Variants in PARL observed in about 807,000 individuals in gnomAD.
PARL encodes the protein presenilin-associated rhomboid-like protein, mitochondrial.
A neutral mutation model predicts 51.6 loss-of-function variants in PARL; 44 were observed. The ratio of observed to expected loss-of-function variants is 0.85; its 90% CI spans 0.67 to 1.10. The LOEUF is 1.10. Among genes scored for constraint, PARL ranks in the 50% least tolerant of loss-of-function variants. PARL has a pLI of 0.00. For synonymous variants in PARL, 172 were observed against 164.0 expected, an observed-to-expected ratio of 1.05 and a Z score of -0.37; for missense variants, 441 against 469.5, an observed-to-expected ratio of 0.94 and a Z score of 0.56.
chr3:183,841,968 G>C (rs181424872), intron 6 of PARL, among the ~76,000 whole-genome samples: 123 of 152,264 alleles, frequency 8.1e-4, no homozygotes, highest in African/African-American at 2.7e-3. Flanking sequence ...CTATAAAATG[G>C]AGGGCCTAAA....
At chr3:183,836,209 C>T (rs1728557518) in intron 7 of PARL, among the ~76,000 whole-genome samples, 1 of 79,590 alleles carries the variant, frequency 1.3e-5, no homozygotes, top group East Asian at 4.1e-4. Flanking sequence ...AAGAACGAAA[C>T]TCCATCTCAA....
At chr3:183,882,416 TAGAGAGAGAGAGAG>T (rs146955187) in intron 1 of PARL, among the ~76,000 whole-genome samples, 1 of 104,396 alleles carries the variant, frequency 9.6e-6, no homozygotes, top group African/African-American at 3.4e-5. Flanking sequence ...CACATATATA[TAGAGAGAGAGAGAG>T]AGAGAAAGAG....
intron 1 of PARL, among the ~76,000 whole-genome samples, chr3:183,874,705 A>G (rs1337005078): frequency 6.6e-6 from 1 of 152,166 alleles, no homozygotes; most frequent in East Asian, 1.9e-4. Flanking sequence ...AAGCTTAGTG[A>G]AGAAGGCATG....
At chr3:183,829,846 C>A (rs776671591) in intron 9 of PARL, 137 bp from the exon 10 acceptor site, 24 of 761,452 alleles carry the variant, frequency 3.2e-5, no homozygotes. Flanking sequence ...TGACTCACAT[C>A]GAGAAATGGT....
At chr3:183,834,415 A>G (rs1291081121) in intron 7 of PARL, among the ~76,000 whole-genome samples, 5 of 152,202 alleles carry the variant, frequency 3.3e-5, no homozygotes, top group African/African-American at 1.2e-4. Flanking sequence ...CCCTGTCTCA[A>G]AAATAATAAA....
At chr3:183,829,779 G>T in intron 9 of PARL, 70 bp from the exon 10 acceptor site, 1 of 1,236,306 alleles carries the variant, frequency 8.1e-7, no homozygotes, top group South Asian at 1.2e-5. Context: ...CATGGTGACA[G>T]ATCCCAAGTT....
rs541052527 is a variant in PARL at position 183,840,069 on chromosome 3, T to C, written c.828+501A>G. 3.3e-5 allele frequency among the ~76,000 whole-genome samples: 5 copies of C among 152,320 alleles called. No individual in the cohort carries two copies. The East Asian group carries it at 5.8e-4, about 18-fold the overall frequency. On this transcript the variant is annotated intron_variant, in intron 7 of 9. Coordinates refer to ENST00000317096, the MANE Select transcript of PARL (RefSeq NM_018622.7). ...TTAAGCATCCAGAATATAAGAGCTC[T>C]GAGGGCAGGAGCCTTTTTTGTTGTT...
At chr3:183,862,506 GA>G (rs1731955254) in intron 4 of PARL, 2 of 475,126 alleles carry the variant, frequency 4.2e-6, no homozygotes, top group East Asian at 6.7e-5. Flanking sequence ...CCACAAGCTG[GA>G]ATTCTACAAC....
chr3:183,867,424 G>A (rs1157586913), intron 2 of PARL, among the ~76,000 whole-genome samples: 1 of 152,040 alleles, frequency 6.6e-6, no homozygotes, highest in Non-Finnish European at 1.5e-5. Flanking sequence ...CTCTAGGCCG[G>A]GCGCAGTGGC....
At chr3:183,869,062 C>G (rs1288737272) in intron 1 of PARL, among the ~76,000 whole-genome samples, 2 of 152,166 alleles carry the variant, frequency 1.3e-5, no homozygotes, top group African/African-American at 4.8e-5. Flanking sequence ...TCTTTAACTC[C>G]CGGTATCTTC....
At chr3:183,829,731 C>T in intron 9 of PARL, 22 bp from the exon 10 acceptor site, 2 of 1,588,542 alleles carry the variant, frequency 1.3e-6, no homozygotes, top group Non-Finnish European at 1.7e-6. Flanking sequence ...CAAACCAGGT[C>T]CGACATTCAA....
chr3:183,863,987 C>A (rs542445018), intron 3 of PARL, among the ~76,000 whole-genome samples: 1 of 152,268 alleles, frequency 6.6e-6, no homozygotes, highest in East Asian at 1.9e-4. Flanking sequence ...CATTTGGGTA[C>A]ATTTGGATAT....
At chr3:183,833,320 A>G (rs1180883409) in intron 9 of PARL, among the ~76,000 whole-genome samples, 172 bp downstream of exon 9, 1 of 152,060 alleles carries the variant, frequency 6.6e-6, no homozygotes, top group Non-Finnish European at 1.5e-5. Context: ...TGCTGGGTAA[A>G]CCCAAAGCAA....
At chr3:183,865,713 CA>C (rs773559117) in intron 3 of PARL, among the ~76,000 whole-genome samples, 1 of 152,032 alleles carries the variant, frequency 6.6e-6, no homozygotes, top group Non-Finnish European at 1.5e-5. Context: ...TCCCTGGTAC[CA>C]AAAAGGTTGG....
rs1208781642 is a variant in PARL, at chr3:183,829,561, C to T, written c.*37G>A. The stretch of plus-strand genomic sequence containing the variant: ...GATGTCTCCTGGGGCTCTCAGGCGG[C>T]AAGGACCAGATGCACCACTACTGTC... On this transcript the variant is annotated 3_prime_UTR_variant, in exon 10 of 10. Coordinates refer to ENST00000317096, the MANE Select transcript of PARL (RefSeq NM_018622.7). The T allele has an allele frequency of 1.2e-6, 2 of 1,614,194 alleles. No individual in the cohort carries two copies. Among genetic ancestry groups the T allele is most frequent in the East Asian group, 2.2e-5 (1 of 44,884 alleles).
chr3:183,834,367 T>C (rs1441925149), intron 7 of PARL, among the ~76,000 whole-genome samples: 3 of 152,156 alleles, frequency 2.0e-5, no homozygotes, highest in East Asian at 1.9e-4. Context: ...TGAGCTATGA[T>C]TGCACCACTG....
intron 4 of PARL, chr3:183,862,506 G>C (rs1165821674): frequency 2.1e-6 from 1 of 475,006 alleles, no homozygotes; most frequent in Non-Finnish European, 3.8e-6. Flanking sequence ...CCACAAGCTG[G>C]AATTCTACAA....
At chr3:183,836,491 C>T (rs1210234663) in intron 7 of PARL, among the ~76,000 whole-genome samples, 1 of 152,064 alleles carries the variant, frequency 6.6e-6, no homozygotes, top group Non-Finnish European at 1.5e-5. Context: ...TTTGGGCTTA[C>T]TCCCATGCAG....
chr3:183,841,530 C>G (rs1452714222), intron 6 of PARL, among the ~76,000 whole-genome samples: 1 of 152,170 alleles, frequency 6.6e-6, no homozygotes, highest in East Asian at 1.9e-4. Context: ...GGATCTGAAC[C>G]TGGGTCTATC....
Sources: allele counts gnomAD v4.1 joint callset (sites outside exome capture counted in the v4.1 genomes callset), GRCh38; gene constraint gnomAD v4.1.1; transcripts MANE v1.5; gene names NCBI Gene and HGNC (gene_info 2026-07-23, HGNC 2026-07-21).